The following CCSER1 variants were observed in gnomAD, a reference collection of about 807,000 sequenced individuals.
CCSER1 encodes the protein serine-rich coiled-coil domain-containing protein 1.
Under a neutral mutation model 82.0 loss-of-function variants are expected in CCSER1, and 41 were observed. The observed-to-expected ratio is 0.50, with a 90% CI of 0.39 to 0.65. CCSER1 has a LOEUF of 0.65. CCSER1 is among the 30% of genes least tolerant of loss of function. The pLI is 0.00. For synonymous variants in CCSER1, 414 were observed against 383.9 expected, an observed-to-expected ratio of 1.08 and a Z score of -0.92; for missense variants, 1,119 against 1,064.2, an observed-to-expected ratio of 1.05 and a Z score of -0.72.
At chr4:90,133,691 G>A (rs1282955897) in intron 1 of CCSER1, among the ~76,000 whole-genome samples, 1 of 151,884 alleles carries the variant, frequency 6.6e-6, no homozygotes, top group East Asian at 1.9e-4. Flanking sequence ...ACTTCCCTAG[G>A]GATACCTTTC....
chr4:90,781,003 C>T, intron 7 of CCSER1: 1 of 184,214 alleles, frequency 5.4e-6, no homozygotes, highest in Non-Finnish European at 1.0e-5. Flanking sequence ...CAAAGGGAAG[C>T]AGGCACATTG....
intron 10 of CCSER1, among the ~76,000 whole-genome samples, chr4:91,561,057 T>C (rs2110253248): frequency 6.6e-6 from 1 of 151,502 alleles, no homozygotes. Flanking sequence ...AGCTTTAAAA[T>C]TCCAAGTCAT....
At chr4:90,960,714 G>T (rs377765286) in intron 9 of CCSER1, among the ~76,000 whole-genome samples, 1 of 152,058 alleles carries the variant, frequency 6.6e-6, no homozygotes, top group Non-Finnish European at 1.5e-5. Context: ...TTATGGAACC[G>T]CTGTACCTGG....
chr4:91,153,033 A>T (rs1311568812), intron 10 of CCSER1, among the ~76,000 whole-genome samples: 1 of 151,728 alleles, frequency 6.6e-6, no homozygotes, highest in Non-Finnish European at 1.5e-5. Context: ...CGTTCTCTGT[A>T]TTTCCTGAAT....
chr4:91,501,071 G>A (rs1490506763), intron 10 of CCSER1, among the ~76,000 whole-genome samples: 1 of 151,552 alleles, frequency 6.6e-6, no homozygotes, highest in Non-Finnish European at 1.5e-5. Flanking sequence ...TATTAATATA[G>A]TCTGACCCTA....
intron 10 of CCSER1, among the ~76,000 whole-genome samples, chr4:91,288,050 A>T (rs1743419682): frequency 1.9e-5 from 1 of 52,320 alleles, no homozygotes; most frequent in Non-Finnish European, 4.6e-5. Flanking sequence ...TAGGCTATTG[A>T]GTTTATTTAG....
At chr4:90,689,218 A>G (rs796584881) in intron 6 of CCSER1, among the ~76,000 whole-genome samples, 10 of 152,216 alleles carry the variant, frequency 6.6e-5, no homozygotes, top group African/African-American at 2.4e-4. Context: ...GGAACACAGA[A>G]TTAGATCTGG....
intron 1 of CCSER1, among the ~76,000 whole-genome samples, chr4:90,218,058 C>A (rs1318894435): frequency 6.6e-6 from 1 of 152,124 alleles, no homozygotes; most frequent in Non-Finnish European, 1.5e-5. Flanking sequence ...GCCTCAGCCT[C>A]CCAAAGTTCT....
Position 90,738,455 on chromosome 4 carries a change from CT to C in CCSER1, c.2010+14467del, listed in dbSNP as rs1746015651. Among the ~76,000 whole-genome samples, 2 of 152,080 alleles carry C rather than the reference CT, an allele frequency of 1.3e-5. 1 individual carries two copies. The highest frequency in any genetic ancestry group is 4.1e-4 in the South Asian group (2 of 4,838). Reference sequence around the variant, plus strand: ...CAGAGATTCTTGTTGTTTTCTCTTACTTTCCCCCAAACATAGTCTCTCCCAC... The same window carrying C: ...CAGAGATTCTTGTTGTTTTCTCTTACTTCCCCCAAACATAGTCTCTCCCAC... On this transcript the variant is annotated intron_variant, in intron 7 of 10. Coordinates refer to ENST00000509176, the MANE Select transcript of CCSER1 (RefSeq NM_001145065.2).
chr4:90,580,066 A>C (rs1379180881), intron 5 of CCSER1, among the ~76,000 whole-genome samples: 2 of 152,202 alleles, frequency 1.3e-5, no homozygotes, highest in Non-Finnish European at 2.9e-5. Flanking sequence ...AAATGAAATC[A>C]ACTTTGCTTT....
rs556657193 is a variant in CCSER1, at chr4:90,141,582, A to C, written c.-42+13751A>C. Among the ~76,000 whole-genome samples the C allele has an allele frequency of 8.5e-5, 13 of 152,326 alleles. No individual in the cohort carries two copies. In the South Asian group the frequency reaches 2.3e-3, roughly 27 times the overall value. The stretch of plus-strand genomic sequence containing the variant: ...TATGTGCAAGAGACAATGCTATGCA[A>C]TTGAATAATTTTTAAAAAATGAATG... On this transcript the variant is annotated intron_variant, in intron 1 of 10. Coordinates refer to ENST00000509176, the MANE Select transcript of CCSER1 (RefSeq NM_001145065.2).
chr4:90,363,957 T>C (rs1418960822), intron 3 of CCSER1, among the ~76,000 whole-genome samples: 2 of 152,106 alleles, frequency 1.3e-5, no homozygotes, highest in African/African-American at 4.8e-5. Flanking sequence ...TGGGAACAAC[T>C]TTGCCTTTTT....
rs76766693 is a variant in CCSER1, at chr4:90,511,893, A to C, written c.1724+43539A>C. 3.0e-4 allele frequency among the ~76,000 whole-genome samples: 46 copies of C among 152,234 alleles called. No homozygotes were observed. In the East Asian group the frequency reaches 8.5e-3, roughly 28 times the overall value. On this transcript the variant is annotated intron_variant, in intron 5 of 10. Transcript: ENST00000509176. ...CAAAGAGGTAAGCAAATATATGATAACATCCTTGTAGGTATGAATATGTGG... is the reference window on the plus strand; with the variant it reads ...CAAAGAGGTAAGCAAATATATGATACCATCCTTGTAGGTATGAATATGTGG...
intron 10 of CCSER1, among the ~76,000 whole-genome samples, chr4:91,142,590 G>C (rs1729144048): frequency 1.3e-5 from 2 of 152,134 alleles, no homozygotes; most frequent in Non-Finnish European, 2.9e-5. Flanking sequence ...GATTTTCATA[G>C]TTCAAGGTCC....
At chr4:91,343,447 C>G (rs1006178987) in intron 10 of CCSER1, among the ~76,000 whole-genome samples, 2 of 152,166 alleles carry the variant, frequency 1.3e-5, no homozygotes, top group Non-Finnish European at 2.9e-5. Context: ...AATAAACACA[C>G]TAGACAATGA....
chr4:91,543,839 T>C (rs982178574), intron 10 of CCSER1, among the ~76,000 whole-genome samples: 1 of 152,226 alleles, frequency 6.6e-6, no homozygotes, highest in Admixed American at 6.5e-5. Flanking sequence ...TGAATTTGAA[T>C]GTTGGCCTAC....
intron 5 of CCSER1, among the ~76,000 whole-genome samples, chr4:90,526,261 C>A (rs1203746723): frequency 6.6e-6 from 1 of 152,080 alleles, no homozygotes; most frequent in African/African-American, 2.4e-5. Context: ...CCACCTAAAC[C>A]AATTTCGCTG....
At chr4:90,648,579 G>C (rs1289215832) in intron 6 of CCSER1, among the ~76,000 whole-genome samples, 3 of 92,316 alleles carry the variant, frequency 3.2e-5, no homozygotes, top group Non-Finnish European at 7.6e-5. Flanking sequence ...TATAAGAGTA[G>C]GGCCCTAATT....
At chr4:90,338,147 G>T (rs528921357) in intron 3 of CCSER1, among the ~76,000 whole-genome samples, 19 of 152,092 alleles carry the variant, frequency 1.2e-4, no homozygotes, top group African/African-American at 4.6e-4. Context: ...TTTGGGACTT[G>T]CCCCATCTAA....
Sources: allele counts gnomAD v4.1 joint callset (sites outside exome capture counted in the v4.1 genomes callset), GRCh38; gene constraint gnomAD v4.1.1; transcripts MANE v1.5; gene names NCBI Gene and HGNC (gene_info 2026-07-23, HGNC 2026-07-21).